The following CCDC60 variants were observed in gnomAD, a reference collection of about 807,000 sequenced individuals.
CCDC60 encodes the protein coiled-coil domain containing 60, also known as coiled-coil domain-containing protein 60.
CCDC60 carries 54 observed loss-of-function variants against 63.5 expected under a neutral mutation model. That is an observed-to-expected ratio of 0.85 (90% confidence interval 0.68 to 1.07). The LOEUF (loss-of-function observed/expected upper bound fraction) is 1.07. Ranked by LOEUF, CCDC60 falls within the 50% of genes least tolerant of loss-of-function variation. CCDC60 has a pLI of 0.00. For missense variants in CCDC60, 651 were observed against 684.3 expected, an observed-to-expected ratio of 0.95 and a Z score of 0.54; for synonymous variants, 206 against 238.8, an observed-to-expected ratio of 0.86 and a Z score of 1.27.
rs755829141 is a variant in CCDC60 at position 119,523,765 on chromosome 12, C to T, written c.1176C>T (p.Ser392=). Residue 392 remains serine (S), a synonymous_variant, in exon 11 of 14, where the codon AGC becomes AGT. Coordinates refer to ENST00000327554, the MANE Select transcript of CCDC60 (RefSeq NM_178499.5). ...ACACCATGAGGGCCAAGTTTTACAGCGTAGCCCAGGAGGCTGGCTTCTGCC... is the reference window on the plus strand; with the variant it reads ...ACACCATGAGGGCCAAGTTTTACAGTGTAGCCCAGGAGGCTGGCTTCTGCC... The part of the protein sequence containing the change: ...VCNTMRAKFY[S]VAQEAGFCLQ... 9.9e-6 allele frequency: 16 copies of T among 1,614,188 alleles called. No individual in the cohort carries two copies. Among genetic ancestry groups the T allele is most frequent in the Admixed American group, 6.7e-5 (4 of 60,026 alleles).
At chr12:119,522,134 C>T (rs1250189909) in intron 9 of CCDC60, among the ~76,000 whole-genome samples, 1 of 152,224 alleles carries the variant, frequency 6.6e-6, no homozygotes, top group Non-Finnish European at 1.5e-5. Context: ...CTCCCTCCCT[C>T]AGAGCCACAG....
intron 4 of CCDC60, among the ~76,000 whole-genome samples, chr12:119,484,802 G>A (rs1951398982): frequency 6.6e-6 from 1 of 152,200 alleles, no homozygotes; most frequent in Non-Finnish European, 1.5e-5. Context: ...TTTTCCATCA[G>A]TAACTGAAAA....
At chr12:119,341,395 A>G (rs1383200246) in intron 1 of CCDC60, among the ~76,000 whole-genome samples, 1 of 152,178 alleles carries the variant, frequency 6.6e-6, no homozygotes, top group East Asian at 1.9e-4. Flanking sequence ...AGTCTTGTTG[A>G]TGGGATAATA....
At chr12:119,418,490 C>T (rs1042263037) in intron 1 of CCDC60, among the ~76,000 whole-genome samples, 1 of 131,556 alleles carries the variant, frequency 7.6e-6, no homozygotes, top group African/African-American at 2.9e-5. Flanking sequence ...TCTCAGTTCA[C>T]TGCAGCCTCT....
At chr12:119,438,609 C>A (rs1306121092) in intron 2 of CCDC60, among the ~76,000 whole-genome samples, 2 of 152,176 alleles carry the variant, frequency 1.3e-5, no homozygotes, top group African/African-American at 2.4e-5. Flanking sequence ...CTATTCCACA[C>A]TACTGTTGGG....
chr12:119,401,101 A>G lies in CCDC60; in HGVS notation c.91-27582A>G, dbSNP rs568088707. On this transcript the variant is annotated intron_variant, in intron 1 of 13. Transcript: ENST00000327554. ...GTGAGTGGAGTTTCCTGTTACTTTC[A>G]GCTCAAAGACATTATCAACATTCTC... Among the ~76,000 whole-genome samples the G allele has an allele frequency of 2.6e-5, 4 of 152,328 alleles. No homozygotes were observed. The South Asian group carries it at 6.2e-4, about 24-fold the overall frequency.
intron 12 of CCDC60, 107 bp from the exon 13 acceptor site, chr12:119,530,767 C>A: frequency 1.1e-6 from 1 of 904,570 alleles, no homozygotes; most frequent in African/African-American, 1.7e-5. Flanking sequence ...AATACTGCTG[C>A]CCTGGAGACA....
chr12:119,364,233 C>A lies in CCDC60; in HGVS notation c.90+28967C>A, dbSNP rs1955818699. Among the ~76,000 whole-genome samples the A allele has an allele frequency of 2.6e-5, 4 of 152,086 alleles. No homozygotes were observed. The South Asian group carries it at 8.3e-4, about 32-fold the overall frequency. On this transcript the variant is annotated intron_variant, in intron 1 of 13. Coordinates refer to ENST00000327554, the MANE Select transcript of CCDC60 (RefSeq NM_178499.5). Reference sequence around the variant, plus strand: ...AATCAACTTTTTGAGGTGTAATTTACATATAACCAAATGCACACATTTTAA... The same window carrying A: ...AATCAACTTTTTGAGGTGTAATTTAAATATAACCAAATGCACACATTTTAA...
chr12:119,450,534 A>C (rs1055208758), intron 2 of CCDC60, among the ~76,000 whole-genome samples: 36 of 152,286 alleles, frequency 2.4e-4, no homozygotes, highest in African/African-American at 8.4e-4. Flanking sequence ...GTGCAGCAGA[A>C]TATCTGGTAT....
intron 11 of CCDC60, among the ~76,000 whole-genome samples, chr12:119,524,721 CTTTTTTTT>C (rs55694840): frequency 1.0e-5 from 1 of 99,050 alleles, no homozygotes; most frequent in African/African-American, 4.7e-5. Flanking sequence ...CTTTTCTTTT[CTTTTTTTT>C]TTTTTTTTTT....
chr12:119,418,542 G>T (rs562555359), intron 1 of CCDC60, among the ~76,000 whole-genome samples: 8 of 151,492 alleles, frequency 5.3e-5, no homozygotes, highest in Non-Finnish European at 1.2e-4. Flanking sequence ...AGCCTCCTGA[G>T]TAGCTGGGAC....
intron 2 of CCDC60, among the ~76,000 whole-genome samples, chr12:119,451,961 T>G (rs979735040): frequency 2.6e-5 from 4 of 152,146 alleles, no homozygotes; most frequent in African/African-American, 9.7e-5. Context: ...TCTTTTCTTC[T>G]TCACTGAATC....
chr12:119,446,537 T>C (rs1950544387), intron 2 of CCDC60, among the ~76,000 whole-genome samples: 1 of 151,966 alleles, frequency 6.6e-6, no homozygotes, highest in Admixed American at 6.6e-5. Flanking sequence ...AAATAAAAGC[T>C]TAAAGAGCTG....
chr12:119,363,131 G>T (rs1440738655), intron 1 of CCDC60, among the ~76,000 whole-genome samples: 3 of 152,106 alleles, frequency 2.0e-5, no homozygotes, highest in Non-Finnish European at 2.9e-5. Flanking sequence ...AAATTGGCAG[G>T]ATTCCAGCAT....
intron 1 of CCDC60, among the ~76,000 whole-genome samples, chr12:119,419,837 C>T (rs1956776820): frequency 6.6e-6 from 1 of 151,450 alleles, no homozygotes; most frequent in Non-Finnish European, 1.5e-5. Context: ...AAGATGCAAC[C>T]TGTCTTCAAC....
intron 1 of CCDC60, among the ~76,000 whole-genome samples, chr12:119,411,833 A>ACACCCTTTCCCC (rs1365180116): frequency 6.6e-6 from 1 of 151,994 alleles, no homozygotes; most frequent in Non-Finnish European, 1.5e-5. Flanking sequence ...GAGCCCCGAT[A>ACACCCTTTCCCC]CACCCTTTCC....
chr12:119,356,250 G>T (rs1411118946), intron 1 of CCDC60, among the ~76,000 whole-genome samples: 1 of 152,152 alleles, frequency 6.6e-6, no homozygotes, highest in Non-Finnish European at 1.5e-5. Context: ...GCCATCTTCA[G>T]TGAAATCTCT....
intron 1 of CCDC60, among the ~76,000 whole-genome samples, chr12:119,374,339 A>G (rs1424212328): frequency 6.6e-6 from 1 of 152,248 alleles, no homozygotes; most frequent in Non-Finnish European, 1.5e-5. Context: ...TATAAGGGTC[A>G]ATGCTATTAC....
chr12:119,450,886 G>GAA lies in CCDC60; in HGVS notation c.171-21107_171-21106insAA, dbSNP rs948596519. Among the ~76,000 whole-genome samples, 1,393 of 150,376 alleles carry GAA rather than the reference G, an allele frequency of 9.3e-3. 29 individuals carry two copies. The highest frequency in any genetic ancestry group is 0.031 in the African/African-American group (1,277 of 40,626). On this transcript the variant is annotated intron_variant, in intron 2 of 13. Coordinates refer to ENST00000327554, the MANE Select transcript of CCDC60 (RefSeq NM_178499.5). ...AAAAAAAAAGAGAGAGAGAGAGAGA[G>GAA]ATAAGACAAATCCAGCTCTCACAGA...
Sources: gnomAD v4.1 joint callset for allele counts (sites outside exome capture counted in the v4.1 genomes callset) on GRCh38, gnomAD v4.1.1 for gene constraint, MANE v1.5 for transcripts, NCBI Gene and HGNC (gene_info 2026-07-23, HGNC 2026-07-21) for gene names.